The following ACAD10 variants were observed in gnomAD, a reference collection of about 807,000 sequenced individuals.
ACAD10 encodes the protein acyl-CoA dehydrogenase family member 10.
Under a neutral mutation model 116.8 loss-of-function variants are expected in ACAD10, and 112 were observed. The ratio of observed to expected loss-of-function variants is 0.96; its 90% CI spans 0.82 to 1.12. The LOEUF (loss-of-function observed/expected upper bound fraction) is 1.12. Among genes scored for constraint, ACAD10 ranks in the 50% most tolerant of loss-of-function variants. ACAD10 has a pLI of 0.00. For missense variants in ACAD10, 1,259 were observed against 1,350.2 expected (o/e 0.93, Z 1.06); for synonymous variants, 486 against 510.6 (o/e 0.95, Z 0.65).
In ACAD10 at chr12:111,756,884, T is replaced by C; in HGVS notation, c.*411T>C. The C allele has an allele frequency of 2.2e-6, 1 of 460,060 alleles. No individual in the cohort carries two copies. The highest frequency in any genetic ancestry group is 2.3e-5 in the Admixed American group (1 of 42,656). The allele number at this position is 460,060 out of a possible 1,614,324, so 28.5% of individuals were successfully genotyped here. A position where few individuals can be genotyped will look rare whatever the true frequency, so the allele number is the denominator to read the frequency against. ...TGCTCTGGCAGCTGCAGGGTTCCTGTCTGGCCTCCCTGGTGAGCAGAGGGG... is the reference window on the plus strand; with the variant it reads ...TGCTCTGGCAGCTGCAGGGTTCCTGCCTGGCCTCCCTGGTGAGCAGAGGGG... On this transcript the variant is annotated 3_prime_UTR_variant, in exon 21 of 21. Coordinates refer to ENST00000313698, the MANE Select transcript of ACAD10 (RefSeq NM_025247.6).
rs1566166266 is a variant in ACAD10, at chr12:111,744,778, C to G, written c.1850C>G (p.Ser617Cys). ...CCCTTCACAAATCCGTTAACAAGGT[C>G]CTACCACACGTGGGCCAGGCCCCAG... Reference protein sequence around the residue: ...EMPFTNPLTRSYHTWARPQSQ... With the variant: ...EMPFTNPLTRCYHTWARPQSQ... The change falls in exon 13 of 21, where the codon TCC becomes TGC. Residue 617 changes from serine (S) to cysteine (C), a missense_variant. By Grantham distance (112) the Ser-to-Cys change is moderately radical. Coordinates refer to ENST00000313698, the MANE Select transcript of ACAD10 (RefSeq NM_025247.6). The G allele has an allele frequency of 6.2e-7, 1 of 1,614,242 alleles. No homozygotes were observed. Among genetic ancestry groups the G allele is most frequent in the East Asian group, 2.2e-5 (1 of 44,886 alleles).
At chr12:111,747,520 C>A in intron 16 of ACAD10, 135 bp downstream of exon 16, 1 of 1,509,810 alleles carries the variant, frequency 6.6e-7, no homozygotes, top group South Asian at 1.3e-5. Context: ...GCGCCCCCAG[C>A]AGAGGCAGCT....
At position 111,708,328 on chromosome 12, in the gene ACAD10, C is replaced by G. The variant is rs567215230; in HGVS notation, c.532-1198C>G. On this transcript the variant is annotated intron_variant, in intron 4 of 20. Coordinates refer to ENST00000313698, the MANE Select transcript of ACAD10 (RefSeq NM_025247.6). ...TTCCTGGAACTTTGCCCCATCCCCC[C>G]CAATTCCCTCCACTCTCCTAGCTCT... 1.1e-4 allele frequency among the ~76,000 whole-genome samples: 16 copies of G among 152,256 alleles called. No individual in the cohort carries two copies. In the East Asian group the frequency reaches 2.9e-3, roughly 28 times the overall value.
In ACAD10 at chr12:111,748,353, TG is replaced by T; in HGVS notation, c.2525del (p.Gly842GlufsTer25). 1 of 1,614,162 alleles carries T rather than the reference TG, an allele frequency of 6.2e-7. No homozygotes were observed. Among genetic ancestry groups the T allele is most frequent in the African/African-American group, 1.3e-5 (1 of 75,024 alleles). On this transcript the variant is annotated frameshift_variant, in exon 17 of 21. Transcript: ENST00000313698. LOFTEE classifies it high-confidence loss of function. ...LDPRCQLCVF[M>X]GKTDPHAPRH... is the part of the protein sequence containing the mutation. ...CCTCGTTGCCAACTCTGTGTGTTTA[TG>T]GGAAAAACAGACCCACATGCACCAA... is the stretch of plus-strand genomic sequence containing the variant.
chr12:111,750,588 T>C (rs1039249934), intron 18 of ACAD10, among the ~76,000 whole-genome samples: 3 of 151,964 alleles, frequency 2.0e-5, no homozygotes, highest in African/African-American at 7.3e-5. Context: ...CCTGTCTCTT[T>C]AAAAATAAAT....
At chr12:111,742,813 GA>G (rs1263397928) in intron 12 of ACAD10, among the ~76,000 whole-genome samples, 1 of 152,096 alleles carries the variant, frequency 6.6e-6, no homozygotes, top group African/African-American at 2.4e-5. Context: ...GGGTTCAAGC[GA>G]TTCTCCTGCC....
At chr12:111,751,254 A>G (rs950990514) in intron 18 of ACAD10, among the ~76,000 whole-genome samples, 3 of 152,204 alleles carry the variant, frequency 2.0e-5, no homozygotes, top group Admixed American at 6.5e-5. Context: ...GAGACTTTAA[A>G]TGATGCTGTG....
chr12:111,735,043 G>A (rs1208581049), intron 11 of ACAD10, among the ~76,000 whole-genome samples: 1 of 152,056 alleles, frequency 6.6e-6, no homozygotes, highest in African/African-American at 2.4e-5. Context: ...CTAACATGGT[G>A]AAACCCCGTC....
rs754665228 is a variant in ACAD10 at position 111,733,944 on chromosome 12, T to C, written c.1416T>C (p.His472=). 9.9e-6 allele frequency: 16 copies of C among 1,614,102 alleles called. No individual in the cohort carries two copies. The highest frequency in any genetic ancestry group is 1.6e-4 in the Middle Eastern group (1 of 6,084). ...TCAGGCTCGACAACCTGGTGTTTCA[T>C]CCAGAAGAGCCAGAGGTGCTTGCTG... ...GDFRLDNLVF[H]PEEPEVLAVL... Residue 472 remains histidine, a synonymous_variant, in exon 11 of 21, where the codon CAT becomes CAC. Coordinates refer to ENST00000313698, the MANE Select transcript of ACAD10 (RefSeq NM_025247.6).
At chr12:111,710,386 C>A in intron 5 of ACAD10, 1 of 383,650 alleles carries the variant, frequency 2.6e-6, no homozygotes. Context: ...CCATGCCTGG[C>A]TTCTATTCTT....
intron 4 of ACAD10, 62 bp downstream of exon 4, chr12:111,705,994 T>A: frequency 1.2e-5 from 18 of 1,545,218 alleles, no homozygotes; most frequent in Non-Finnish European, 1.5e-5. Flanking sequence ...CAGGGTGCAA[T>A]GTTAAATGCT....
At chr12:111,698,723 G>A (rs1392328797) in intron 2 of ACAD10, among the ~76,000 whole-genome samples, 1 of 151,932 alleles carries the variant, frequency 6.6e-6, no homozygotes, top group East Asian at 1.9e-4. Context: ...GTGATTGCCC[G>A]CCTTGGCCTC....
chr12:111,738,834 G>T (rs976296780), intron 12 of ACAD10, among the ~76,000 whole-genome samples: 1 of 152,070 alleles, frequency 6.6e-6, no homozygotes, highest in Non-Finnish European at 1.5e-5. Flanking sequence ...TCGCGCCTGT[G>T]CACTGCAGCC....
At chr12:111,690,022 G>A (rs796796092) in intron 1 of ACAD10, among the ~76,000 whole-genome samples, 20 of 152,170 alleles carry the variant, frequency 1.3e-4, no homozygotes, top group African/African-American at 4.6e-4. Flanking sequence ...GCCTTACTTC[G>A]AATATTTTCT....
In ACAD10 at chr12:111,756,919, C is replaced by G. The variant is rs769920763; in HGVS notation, c.*446C>G. 2.2e-6 allele frequency: 1 copy of G among 457,432 alleles called. No homozygotes were observed. The highest frequency in any genetic ancestry group is 2.0e-5 in the African/African-American group (1 of 50,166). 28.3% of individuals were successfully genotyped at this position (457,432 alleles called of 1,614,324 possible). On this transcript the variant is annotated 3_prime_UTR_variant, in exon 21 of 21. Coordinates refer to ENST00000313698, the MANE Select transcript of ACAD10 (RefSeq NM_025247.6). ...CTGGTGAGCAGAGGGGCGGCCACGGCGGGCGGTGGCCTAGAGACCCAGGAC... is the reference window on the plus strand; with the variant it reads ...CTGGTGAGCAGAGGGGCGGCCACGGGGGGCGGTGGCCTAGAGACCCAGGAC...
At chr12:111,743,335 C>T (rs1208451391) in intron 12 of ACAD10, among the ~76,000 whole-genome samples, 1 of 150,410 alleles carries the variant, frequency 6.6e-6, no homozygotes. Context: ...TACAAAAGTA[C>T]ACTGGGGAAA....
At chr12:111,710,365 GGT>G (rs1355634281) in intron 5 of ACAD10, 1 of 428,088 alleles carries the variant, frequency 2.3e-6, no homozygotes, top group East Asian at 8.1e-5. Flanking sequence ...TGAGATTACA[GGT>G]GTGAGCCACC....
intron 2 of ACAD10, among the ~76,000 whole-genome samples, chr12:111,700,414 T>C (rs1367317267): frequency 6.6e-6 from 1 of 152,222 alleles, no homozygotes; most frequent in African/African-American, 2.4e-5. Flanking sequence ...CATAAATATA[T>C]ATGGAAGAAA....
intron 6 of ACAD10, among the ~76,000 whole-genome samples, chr12:111,713,762 C>A (rs1261790960): frequency 6.6e-6 from 1 of 150,848 alleles, no homozygotes; most frequent in East Asian, 1.9e-4. Flanking sequence ...CATGGCAAAA[C>A]CCCATCTCTA....
Sources: gnomAD v4.1 joint callset for allele counts (sites outside exome capture counted in the v4.1 genomes callset) on GRCh38, gnomAD v4.1.1 for gene constraint, MANE v1.5 for transcripts, NCBI Gene and HGNC (gene_info 2026-07-23, HGNC 2026-07-21) for gene names.